Variants in ZNF180 observed in about 807,000 individuals in gnomAD.
ZNF180 encodes zinc finger protein 180 (HHZ168).
In ZNF180, 11 loss-of-function variants were observed where a neutral mutation model predicts 11.8. The ratio of observed to expected loss-of-function variants is 0.93; its 90% confidence interval spans 0.59 to 1.55. ZNF180 has a LOEUF of 1.55. ZNF180 is among the 40% of genes most tolerant of loss of function. The pLI, the probability that ZNF180 is intolerant of heterozygous loss-of-function variation, is 0.00. For missense variants in ZNF180, 773 were observed against 781.7 expected, an observed-to-expected ratio of 0.99 and a Z score of 0.13; for synonymous variants, 287 against 257.7, an observed-to-expected ratio of 1.11 and a Z score of -1.09.
intron 2 of ZNF180, among the ~76,000 whole-genome samples, chr19:44,494,080 C>T (rs4802227): frequency 0.31 from 46,534 of 152,112 alleles, 7,917 homozygotes; most frequent in African/African-American, 0.44. Context: ...ATAACTAATA[C>T]AACAAACAGG....
At position 44,479,414 on chromosome 19, in the gene ZNF180, A is replaced by G; in HGVS notation, c.127-5T>C. Reference sequence around the variant, plus strand: ...AATTTTGAAGTTCACTCCTTCCTAAAAAAGGACACACATTCCTGCTCAGCT... The same window carrying G: ...AATTTTGAAGTTCACTCCTTCCTAAGAAAGGACACACATTCCTGCTCAGCT... On this transcript the variant is annotated splice_region_variant and splice_polypyrimidine_tract_variant and intron_variant, in intron 3 of 4. Transcript: ENST00000592529. 1 of 1,613,702 alleles carries G rather than the reference A, an allele frequency of 6.2e-7. No individual in the cohort carries two copies.
Position 44,476,355 on chromosome 19 carries a change from T to C in ZNF180, c.*47A>G, listed in dbSNP as rs1169077926. 6.7e-7 allele frequency: 1 copy of C among 1,498,734 alleles called. No homozygotes were observed. Among genetic ancestry groups the C allele is most frequent in the East Asian group, 2.3e-5 (1 of 43,796 alleles). 92.8% of individuals were successfully genotyped at this position (1,498,734 alleles called of 1,614,324 possible). On this transcript the variant is annotated 3_prime_UTR_variant, in exon 5 of 5. Transcript: ENST00000592529. ...ACATGTACTACCTTAAAATAAATTT[T>C]TTAAAAGAATGAAATAAAAAGGAAG...
chr19:44,484,779 G>A (rs1273605220), intron 2 of ZNF180: 3 of 268,456 alleles, frequency 1.1e-5, no homozygotes, highest in Non-Finnish European at 7.1e-6. Flanking sequence ...CAAAATTCCT[G>A]GGTCACAAAA....
chr19:44,476,932 CTG>C lies in ZNF180; in HGVS notation c.1466_1467del (p.Thr489ArgfsTer6), dbSNP rs2123429519. 1 of 1,614,036 alleles carries C rather than the reference CTG, an allele frequency of 6.2e-7. No homozygotes were observed. ...YKLVAHQRTH[T>X]GEKPFECNQC... is the part of the protein sequence containing the mutation. ...TGATTACATTCAAAGGGTTTTTCTCCTGTGTGAGTTCTCTGATGAGCAACAAG... is the reference window on the plus strand; with the variant it reads ...TGATTACATTCAAAGGGTTTTTCTCCTGTGAGTTCTCTGATGAGCAACAAG... On this transcript the variant is annotated frameshift_variant, in exon 5 of 5. Transcript: ENST00000592529. LOFTEE classifies it low-confidence loss of function (END_TRUNC).
intron 3 of ZNF180, among the ~76,000 whole-genome samples, chr19:44,483,982 ACTTT>A (rs1555674123): frequency 6.7e-5 from 9 of 133,518 alleles, no homozygotes; most frequent in Non-Finnish European, 4.7e-5. Context: ...CCATTTCCTC[ACTTT>A]CTTTCTTTCT....
intron 2 of ZNF180, among the ~76,000 whole-genome samples, chr19:44,493,081 C>A (rs4803713): frequency 6.6e-6 from 1 of 152,028 alleles, no homozygotes; most frequent in Non-Finnish European, 1.5e-5. Flanking sequence ...TTAGTCCTCA[C>A]GCACAAGAAA....
intron 4 of ZNF180, 43 bp from the exon 5 acceptor site, chr19:44,478,189 G>C (rs1969984636): frequency 6.7e-7 from 1 of 1,484,076 alleles, no homozygotes. Flanking sequence ...AAAAATATTA[G>C]AGATGGAAAA....
At position 44,497,371 on chromosome 19, in the gene ZNF180, A is replaced by C. The variant is rs763005060; in HGVS notation, c.-37T>G. 3.1e-6 allele frequency: 5 copies of C among 1,593,546 alleles called. No homozygotes were observed. In the South Asian group the frequency reaches 5.6e-5, roughly 18 times the overall value. ...GGCACAGCAGGGTGCTGAGGTCCTG[A>C]GCTGCACTGAGAGAAGCCCCAAGTA... On this transcript the variant is annotated 5_prime_UTR_variant, in exon 2 of 5. Transcript: ENST00000592529.
At position 44,476,289 on chromosome 19, in the gene ZNF180, G is replaced by A; in HGVS notation, c.*113C>T. ...ACACACAATTAACAGAGGGCTGGAAGTTTTCCCACATATATTGTTTTTATA... is the reference window on the plus strand; with the variant it reads ...ACACACAATTAACAGAGGGCTGGAAATTTTCCCACATATATTGTTTTTATA... On this transcript the variant is annotated 3_prime_UTR_variant, in exon 5 of 5. Coordinates refer to ENST00000592529, the MANE Select transcript of ZNF180 (RefSeq NM_001278509.3). 9.4e-7 allele frequency: 1 copy of A among 1,058,818 alleles called. No homozygotes were observed. 65.6% of individuals were successfully genotyped at this position (1,058,818 alleles called of 1,614,324 possible).
chr19:44,484,706 T>C lies in ZNF180; in HGVS notation c.52-271A>G, dbSNP rs777637359. ...CCAGCCCATTGCAGCTAAATGCAGC[T>C]GACTGAGTGATCCAAGACACTAAGG... On this transcript the variant is annotated intron_variant, in intron 2 of 4. Transcript: ENST00000592529. The C allele has an allele frequency of 8.3e-5, 42 of 504,808 alleles. 1 individual carries two copies. Among genetic ancestry groups the C allele is most frequent in the Non-Finnish European group, 1.2e-4 (34 of 276,788 alleles). 31.3% of individuals were successfully genotyped at this position (504,808 alleles called of 1,614,324 possible). A position where few individuals can be genotyped will look rare whatever the true frequency, so the allele number is the denominator to read the frequency against.
chr19:44,477,701 A>G lies in ZNF180; in HGVS notation c.699T>C (p.Leu233=). The change falls in exon 5 of 5, where the codon CTT becomes CTC. Residue 233 remains leucine, a synonymous_variant. Coordinates refer to ENST00000592529, the MANE Select transcript of ZNF180 (RefSeq NM_001278509.3). ...ECGKPPQSIH[L]IQFTRTQTKD... is the part of the protein sequence containing the mutation. ...TTGTTTGAGTTCTTGTAAACTGAAT[A>G]AGGTGAATGCTCTGAGGGGGTTTTC... is the stretch of plus-strand genomic sequence containing the variant. 1 of 1,614,038 alleles carries G rather than the reference A, an allele frequency of 6.2e-7. No homozygotes were observed. Among genetic ancestry groups the G allele is most frequent in the Non-Finnish European group, 8.5e-7 (1 of 1,179,948 alleles).
chr19:44,498,688 C>T (rs1045814938), intron 1 of ZNF180, among the ~76,000 whole-genome samples: 1 of 152,164 alleles, frequency 6.6e-6, no homozygotes, highest in Non-Finnish European at 1.5e-5. Context: ...GACACAGTCC[C>T]GCCCCTCTGC....
At chr19:44,488,514 C>A (rs1234796746) in intron 2 of ZNF180, among the ~76,000 whole-genome samples, 4 of 152,204 alleles carry the variant, frequency 2.6e-5, no homozygotes, top group Admixed American at 2.6e-4. Context: ...GATCCGCCAG[C>A]CTCGGCCTCC....
At chr19:44,498,634 C>T (rs1165181820) in intron 1 of ZNF180, among the ~76,000 whole-genome samples, 1 of 152,188 alleles carries the variant, frequency 6.6e-6, no homozygotes, top group Non-Finnish European at 1.5e-5. Context: ...CTCCGGCCTC[C>T]TGTTTCCCAA....
chr19:44,487,836 C>CA (rs1970271180), intron 2 of ZNF180, among the ~76,000 whole-genome samples: 1 of 152,174 alleles, frequency 6.6e-6, no homozygotes, highest in East Asian at 1.9e-4. Flanking sequence ...AAGTGACTCT[C>CA]CTGCCTCAGC....
chr19:44,496,426 G>A (rs1970580237), intron 2 of ZNF180: 1 of 152,204 alleles, frequency 6.6e-6, no homozygotes, highest in South Asian at 2.1e-4. Context: ...GTTGAGGTGG[G>A]AGGATGGCTT....
chr19:44,479,745 C>G (rs1289040608), intron 3 of ZNF180, among the ~76,000 whole-genome samples: 2 of 152,164 alleles, frequency 1.3e-5, no homozygotes, highest in Admixed American at 6.5e-5. Flanking sequence ...CTCTAAATTC[C>G]CAAGAAATTA....
At chr19:44,488,210 TC>T (rs1970294385) in intron 2 of ZNF180, among the ~76,000 whole-genome samples, 1 of 40,788 alleles carries the variant, frequency 2.5e-5, no homozygotes, top group Non-Finnish European at 4.5e-5. Flanking sequence ...TCCCTCTCTT[TC>T]CACGGTCTCC....
intron 4 of ZNF180, 47 bp from the exon 5 acceptor site, chr19:44,478,193 T>C (rs1969984724): frequency 6.8e-7 from 1 of 1,467,866 alleles, no homozygotes; most frequent in South Asian, 1.4e-5. Flanking sequence ...ATATTAGAGA[T>C]GGAAAAATGG....
Sources: gnomAD v4.1 joint callset for allele counts (sites outside exome capture counted in the v4.1 genomes callset) on GRCh38, gnomAD v4.1.1 for gene constraint, MANE v1.5 for transcripts, NCBI Gene and HGNC (gene_info 2026-07-23, HGNC 2026-07-21) for gene names.